The following FOXN3 variants were observed in gnomAD, a reference collection of about 807,000 sequenced individuals.
The protein encoded by FOXN3 is forkhead box N3.
In FOXN3, 7 loss-of-function variants were observed where a neutral mutation model predicts 38.4. The ratio of observed to expected loss-of-function variants is 0.18; its 90% CI spans 0.10 to 0.34. The LOEUF (loss-of-function observed/expected upper bound fraction) is 0.34, where lower values mean the gene tolerates loss of function less well. Among genes scored for constraint, FOXN3 ranks in the 10% least tolerant of loss-of-function variants. The pLI is 1.00. For missense variants in FOXN3, 456 were observed against 613.4 expected (o/e 0.74, Z 2.71); for synonymous variants, 230 against 242.2 (o/e 0.95, Z 0.47).
rs533878846 is a variant in FOXN3, at chr14:89,536,300, T to G, written c.-15+82728A>C. Reference sequence around the variant, plus strand: ...TCTGTAACTATCTGCATCTCTAAAATGTAAGTAATAGCAATAATGACCTTT... The same window carrying G: ...TCTGTAACTATCTGCATCTCTAAAAGGTAAGTAATAGCAATAATGACCTTT... On this transcript the variant is annotated intron_variant, in intron 1 of 6. Coordinates refer to the FOXN3 transcript ENST00000345097. Among the ~76,000 whole-genome samples the G allele has an allele frequency of 1.6e-4, 24 of 152,292 alleles. No homozygotes were observed. The South Asian group carries it at 2.3e-3, about 14-fold the overall frequency.
intron 4 of FOXN3, among the ~76,000 whole-genome samples, chr14:89,221,518 A>T (rs1325083777): frequency 6.6e-6 from 1 of 152,210 alleles, no homozygotes; most frequent in Non-Finnish European, 1.5e-5. Context: ...AGCCTTGCAA[A>T]TCCCTTAACA....
At chr14:89,407,302 G>A (rs776885897) in intron 2 of FOXN3, among the ~76,000 whole-genome samples, 20 of 152,210 alleles carry the variant, frequency 1.3e-4, no homozygotes, top group Non-Finnish European at 2.4e-4. Flanking sequence ...TAGGAGTGCT[G>A]CAGACTGACA....
In FOXN3 at chr14:89,286,678, C is replaced by T. The variant is rs184576591; in HGVS notation, c.681-5664G>A. On this transcript the variant is annotated intron_variant, in intron 3 of 5. Transcript: ENST00000557258. ...TGCCTTATAACTGGGGATTAATCAC[C>T]AGGAAATAATAGAAAACCAAATGTG... Among the ~76,000 whole-genome samples the T allele has an allele frequency of 2.6e-5, 4 of 152,214 alleles. No homozygotes were observed. The East Asian group carries it at 7.7e-4, about 29-fold the overall frequency.
chr14:89,545,440 C>T (rs567111278), intron 1 of FOXN3, among the ~76,000 whole-genome samples: 1 of 152,310 alleles, frequency 6.6e-6, no homozygotes, highest in South Asian at 2.1e-4. Flanking sequence ...CCTTCTAACA[C>T]GGAGAATGCA....
chr14:89,579,104 C>A (rs1048179610), intron 1 of FOXN3, among the ~76,000 whole-genome samples: 5 of 150,054 alleles, frequency 3.3e-5, no homozygotes, highest in Non-Finnish European at 7.4e-5. Flanking sequence ...CCCATCTCGG[C>A]CTCCCAAAGT....
At chr14:89,420,431 G>A (rs1190044173), upstream of FOXN3, among the ~76,000 whole-genome samples, 1 of 152,184 alleles carries the variant, frequency 6.6e-6, no homozygotes, top group East Asian at 1.9e-4. Flanking sequence ...GTGGAAATGG[G>A]GAAGGGGTGT....
chr14:89,437,425 C>T (rs1892295648), intron 1 of FOXN3, among the ~76,000 whole-genome samples: 1 of 152,102 alleles, frequency 6.6e-6, no homozygotes, highest in Non-Finnish European at 1.5e-5. Flanking sequence ...CTTACATCCC[C>T]AAGTGCCACT....
chr14:89,271,657 C>A (rs1210279328), intron 4 of FOXN3, among the ~76,000 whole-genome samples: 2 of 152,060 alleles, frequency 1.3e-5, no homozygotes, highest in Non-Finnish European at 2.9e-5. Context: ...TTAGGATTTC[C>A]TTTTTTCTCT....
rs1250876565 is a variant in FOXN3, at chr14:89,511,220, TTTC to T, written c.-14-98733_-14-98731del. Among the ~76,000 whole-genome samples the T allele has an allele frequency of 2.6e-3, 30 of 11,712 alleles. 1 individual carries two copies. Among genetic ancestry groups the T allele is most frequent in the African/African-American group, 5.6e-3 (27 of 4,856 alleles). The allele number at this position is 11,712 out of a possible 152,430, so 7.7% of individuals were successfully genotyped here. On this transcript the variant is annotated intron_variant, in intron 1 of 6. Coordinates refer to the FOXN3 transcript ENST00000345097. ...TTTCTTTCTTTTCTTTCTTTCTTTC[TTTC>T]TTTCTTTTCTTTCCTTTTCTTTCTT...
At chr14:89,337,095 G>T (rs1888483528) in intron 3 of FOXN3, among the ~76,000 whole-genome samples, 1 of 152,180 alleles carries the variant, frequency 6.6e-6, no homozygotes, top group Non-Finnish European at 1.5e-5. Flanking sequence ...TCCTTAGGTA[G>T]TCAGGCCATG....
intron 5 of FOXN3, among the ~76,000 whole-genome samples, chr14:89,180,340 G>T (rs1055934472): frequency 3.9e-5 from 6 of 152,196 alleles, no homozygotes; most frequent in African/African-American, 1.4e-4. Context: ...AGAGTCACAG[G>T]ACAGGGGAGG....
chr14:89,391,423 A>T (rs1890943175), intron 2 of FOXN3, among the ~76,000 whole-genome samples: 1 of 152,186 alleles, frequency 6.6e-6, no homozygotes, highest in Non-Finnish European at 1.5e-5. Context: ...CTGTACCAAG[A>T]ATTCAGCCAA....
intron 2 of FOXN3, among the ~76,000 whole-genome samples, chr14:89,374,263 CAAAAAAA>C (rs35623770): frequency 1.0e-4 from 5 of 48,174 alleles, no homozygotes; most frequent in Admixed American, 7.1e-4. Flanking sequence ...GACCTTGTCT[CAAAAAAA>C]AAAAAAAAAA....
chr14:89,562,322 G>C (rs547023176), intron 1 of FOXN3, among the ~76,000 whole-genome samples: 1 of 151,942 alleles, frequency 6.6e-6, no homozygotes, highest in African/African-American at 2.4e-5. Context: ...GTACAGTGGC[G>C]CGATCTTGAC....
chr14:89,306,845 A>G (rs1887393891), intron 3 of FOXN3, among the ~76,000 whole-genome samples: 1 of 152,202 alleles, frequency 6.6e-6, no homozygotes, highest in Non-Finnish European at 1.5e-5. Context: ...AAAGAAGAAT[A>G]TTATTTCTTG....
Position 89,506,975 on chromosome 14 carries a change from GACACAAAC to G in FOXN3, c.-14-94493_-14-94486del, listed in dbSNP as rs544625625. ...CACTCCCTAATCTCAAGTACCCAGC[GACACAAAC>G]ACTGCGCAAGGCCGCAGGGTCCTCT... On this transcript the variant is annotated intron_variant, in intron 1 of 6. Transcript: ENST00000345097. Among the ~76,000 whole-genome samples the G allele has an allele frequency of 7.2e-5, 11 of 152,182 alleles. No homozygotes were observed. The South Asian group carries it at 1.9e-3, about 26-fold the overall frequency.
intron 4 of FOXN3, among the ~76,000 whole-genome samples, chr14:89,221,983 C>T (rs962477350): frequency 5.3e-5 from 8 of 152,164 alleles, no homozygotes; most frequent in African/African-American, 9.7e-5. Flanking sequence ...CCACGGCGCC[C>T]GGCTAATTTT....
At chr14:89,329,855 C>CAA (rs57791098) in intron 3 of FOXN3, among the ~76,000 whole-genome samples, 1,002 of 59,884 alleles carry the variant, frequency 0.017, 77 homozygotes, top group Non-Finnish European at 0.022. Flanking sequence ...GACTCAGTCT[C>CAA]AAAAAAAAAA....
chr14:89,393,019 C>A (rs1204267755), intron 2 of FOXN3, among the ~76,000 whole-genome samples: 1 of 152,102 alleles, frequency 6.6e-6, no homozygotes, highest in Non-Finnish European at 1.5e-5. Context: ...ATTGGCCAGA[C>A]TGGTCTCAAA....
Sources: gnomAD v4.1 joint callset for allele counts (sites outside exome capture counted in the v4.1 genomes callset) on GRCh38, gnomAD v4.1.1 for gene constraint, MANE v1.5 for transcripts, NCBI Gene and HGNC (gene_info 2026-07-23, HGNC 2026-07-21) for gene names.